The following ANKRD30A variants were observed in gnomAD, a reference collection of about 807,000 sequenced individuals.
ANKRD30A encodes ankyrin repeat domain-containing protein 30A.
ANKRD30A carries 170 observed loss-of-function variants against 166.3 expected under a neutral mutation model. That is an observed-to-expected ratio of 1.02 (90% CI 0.90 to 1.16). The LOEUF (loss-of-function observed/expected upper bound fraction) is 1.16. Among genes scored for constraint, ANKRD30A ranks in the 50% most tolerant of loss-of-function variants. The pLI is 0.00. For missense variants in ANKRD30A, 1,630 were observed against 1,518.0 expected, an observed-to-expected ratio of 1.07 and a Z score of -1.23; for synonymous variants, 564 against 508.9, an observed-to-expected ratio of 1.11 and a Z score of -1.46.
downstream of ANKRD30A, chr10:37,232,695 A>AGAGAGAG (rs1564604874): frequency 3.3e-3 from 36 of 10,860 alleles, no homozygotes; most frequent in African/African-American, 7.7e-3. Flanking sequence ...TATATATATA[A>AGAGAGAG]ATAGAGAGAG....
downstream of ANKRD30A, among the ~76,000 whole-genome samples, chr10:37,235,347 G>C (rs142995893): frequency 6.6e-6 from 1 of 152,100 alleles, no homozygotes; most frequent in Non-Finnish European, 1.5e-5. Context: ...CACAGTGCAC[G>C]TATTTAATAC....
the ANKRD30A span, chr10:37,264,559 G>A: frequency 7.5e-5 from 35 of 466,298 alleles, no homozygotes; most frequent in Admixed American, 1.6e-4. Context: ...GGGGAAGCAT[G>A]CTGACCAGTC....
At chr10:37,163,046 G>C (rs1479775480) in intron 17 of ANKRD30A, among the ~76,000 whole-genome samples, 198 bp downstream of exon 17, 1 of 152,054 alleles carries the variant, frequency 6.6e-6, no homozygotes, top group African/African-American at 2.4e-5. Flanking sequence ...AAAAAATGTA[G>C]CCTTAATCTC....
In ANKRD30A at chr10:37,179,398, A is replaced by G. The variant is rs1164947313; in HGVS notation, c.2421+3180A>G. On this transcript the variant is annotated intron_variant, in intron 24 of 35. Coordinates refer to ENST00000361713, the MANE Select transcript of ANKRD30A (RefSeq NM_052997.3). Reference sequence around the variant, plus strand: ...AAGCTTATTAAATTTGCTATTCCTGATGAGATTTGTACATCTTCCTGCATG... The same window carrying G: ...AAGCTTATTAAATTTGCTATTCCTGGTGAGATTTGTACATCTTCCTGCATG... 6.0e-5 allele frequency among the ~76,000 whole-genome samples: 9 copies of G among 150,474 alleles called. 2 individuals carry two copies. The highest frequency in any genetic ancestry group is 1.3e-4 in the Non-Finnish European group (9 of 67,060).
rs1171953879 is a variant in ANKRD30A, at chr10:37,183,847, T to A, written c.2422-5620T>A. On this transcript the variant is annotated intron_variant, in intron 24 of 35. Transcript: ENST00000361713. ...AAACATAAACAAAAGATAGTTACACTTATTTATTTAAAAAATGGTGACCGG... is the reference window on the plus strand; with the variant it reads ...AAACATAAACAAAAGATAGTTACACATATTTATTTAAAAAATGGTGACCGG... 2.3e-3 allele frequency among the ~76,000 whole-genome samples: 347 copies of A among 148,268 alleles called. 5 individuals carry two copies. The highest frequency in any genetic ancestry group is 7.4e-3 in the African/African-American group (300 of 40,428).
intron 1 of ANKRD30A, among the ~76,000 whole-genome samples, chr10:37,128,624 G>C (rs919725710): frequency 6.6e-6 from 1 of 152,022 alleles, no homozygotes. Context: ...CTTCTCAACT[G>C]TATTGATCCA....
chr10:37,151,618 A>G (rs906895449), intron 11 of ANKRD30A, among the ~76,000 whole-genome samples: 1 of 152,146 alleles, frequency 6.6e-6, no homozygotes, highest in Non-Finnish European at 1.5e-5. Flanking sequence ...AAAAAATCTT[A>G]TTCATTGATA....
At position 37,231,557 on chromosome 10, in the gene ANKRD30A, C is replaced by G; in HGVS notation, c.*88C>G. On this transcript the variant is annotated 3_prime_UTR_variant, in exon 35 of 36. Coordinates refer to ENST00000361713, the MANE Select transcript of ANKRD30A (RefSeq NM_052997.3). ...TGCTAGGAGGCCAGTCCTAGCATCA[C>G]CTTATGTTGAAAATCTTACCAATAG... is the stretch of plus-strand genomic sequence containing the variant. The G allele has an allele frequency of 9.3e-7, 1 of 1,074,394 alleles. No homozygotes were observed. The highest frequency in any genetic ancestry group is 1.3e-6 in the Non-Finnish European group (1 of 756,340). The allele number at this position is 1,074,394 out of a possible 1,614,324, so 66.6% of individuals were successfully genotyped here.
chr10:37,145,361 C>T (rs1564482589), intron 8 of ANKRD30A, among the ~76,000 whole-genome samples: 1 of 152,032 alleles, frequency 6.6e-6, no homozygotes, highest in Non-Finnish European at 1.5e-5. Context: ...CCTGTAATCC[C>T]AGCTACTGAG....
In ANKRD30A at chr10:37,166,854, A is replaced by T. The variant is rs4007136; in HGVS notation, c.2155+159A>T. Among the ~76,000 whole-genome samples the T allele has an allele frequency of 6.6e-5, 10 of 151,918 alleles. 1 individual carries two copies. The highest frequency in any genetic ancestry group is 1.5e-4 in the Non-Finnish European group (10 of 68,014). On this transcript the variant is annotated intron_variant, in intron 19 of 35. Transcript: ENST00000361713. Reference sequence around the variant, plus strand: ...CATAAGTTATGTGTCTCATCAGGTGATGGCAACAGACTATATTGTGAGTGC... The same window carrying T: ...CATAAGTTATGTGTCTCATCAGGTGTTGGCAACAGACTATATTGTGAGTGC...
intron 13 of ANKRD30A, among the ~76,000 whole-genome samples, chr10:37,155,153 T>G (rs908666578): frequency 6.6e-6 from 1 of 152,218 alleles, no homozygotes; most frequent in Non-Finnish European, 1.5e-5. Flanking sequence ...GGTATTTTAC[T>G]GATTTTAACA....
chr10:37,247,895 A>T, the ANKRD30A span, among the ~76,000 whole-genome samples: 1 of 151,616 alleles, frequency 6.6e-6, no homozygotes, highest in Admixed American at 6.6e-5. Context: ...AAAAAAAAAA[A>T]AAAGAAAAAA....
chr10:37,246,512 T>C, the ANKRD30A span, among the ~76,000 whole-genome samples: 3 of 152,226 alleles, frequency 2.0e-5, no homozygotes, highest in African/African-American at 7.2e-5. Context: ...CTTAGCAAAC[T>C]ATTTCTTTGC....
At chr10:37,127,153 C>T (rs1836088423) in intron 1 of ANKRD30A, among the ~76,000 whole-genome samples, 1 of 140,390 alleles carries the variant, frequency 7.1e-6, no homozygotes, top group Non-Finnish European at 1.5e-5. Flanking sequence ...AATCCACAAA[C>T]ACCCAAATAT....
At chr10:37,247,638 G>A in the ANKRD30A span, among the ~76,000 whole-genome samples, 4 of 151,584 alleles carry the variant, frequency 2.6e-5, no homozygotes, top group African/African-American at 9.7e-5. Context: ...TTGGGAGGCC[G>A]AGGCGGGCAG....
At chr10:37,152,319 C>T (rs887856512) in intron 12 of ANKRD30A, among the ~76,000 whole-genome samples, 198 bp downstream of exon 12, 9 of 151,802 alleles carry the variant, frequency 5.9e-5, no homozygotes, top group South Asian at 2.1e-4. Context: ...GGAATTTGTA[C>T]GATTAATTTA....
downstream of ANKRD30A, chr10:37,232,695 A>AGAGAGAGAGAGAGAG (rs1564604874): frequency 4.6e-4 from 5 of 10,844 alleles, no homozygotes; most frequent in African/African-American, 1.2e-3. Flanking sequence ...TATATATATA[A>AGAGAGAGAGAGAGAG]ATAGAGAGAG....
At position 37,177,764 on chromosome 10, in the gene ANKRD30A, C is replaced by A. The variant is rs202042210; in HGVS notation, c.2421+1546C>A. Reference sequence around the variant, plus strand: ...TAAATGGAAAATTAGAAGGTAAGAACCGTTTTTTATTTAAAAATCATTTGA... The same window carrying A: ...TAAATGGAAAATTAGAAGGTAAGAAACGTTTTTTATTTAAAAATCATTTGA... On this transcript the variant is annotated intron_variant, in intron 24 of 35. Coordinates refer to ENST00000361713, the MANE Select transcript of ANKRD30A (RefSeq NM_052997.3). The A allele has an allele frequency of 7.7e-3, 10,315 of 1,338,568 alleles. 771 individuals carry two copies. The highest frequency in any genetic ancestry group is 0.057 in the East Asian group (2,415 of 42,474). The allele number at this position is 1,338,568 out of a possible 1,614,324, so 82.9% of individuals were successfully genotyped here.
intron 3 of ANKRD30A, among the ~76,000 whole-genome samples, 155 bp from the exon 4 acceptor site, chr10:37,132,085 T>C (rs1325782461): frequency 3.9e-5 from 6 of 152,194 alleles, no homozygotes; most frequent in Non-Finnish European, 8.8e-5. Flanking sequence ...GAAGGTGCAG[T>C]GCATGGGAAA....
Sources: allele counts gnomAD v4.1 joint callset (sites outside exome capture counted in the v4.1 genomes callset), GRCh38; gene constraint gnomAD v4.1.1; transcripts MANE v1.5; gene names NCBI Gene and HGNC (gene_info 2026-07-23, HGNC 2026-07-21).